Variants in DRG2 observed in about 807,000 individuals in gnomAD.
DRG2 encodes developmentally-regulated GTP-binding protein 2.
In DRG2, 36 loss-of-function variants were observed where a neutral mutation model predicts 53.4. The observed-to-expected ratio is 0.67, with a 90% CI of 0.52 to 0.89. DRG2 has a LOEUF of 0.89. Ranked by LOEUF, DRG2 falls within the 40% of genes least tolerant of loss-of-function variation. The probability of loss-of-function intolerance (pLI) is 0.00; values close to 1 mark genes in which losing one functional copy is unlikely to be tolerated. For synonymous variants in DRG2, 167 were observed against 192.1 expected (o/e 0.87, Z 1.08); for missense variants, 342 against 481.2 (o/e 0.71, Z 2.71).
At chr17:18,105,897 G>C (rs1039560605) in intron 11 of DRG2, 1 of 161,220 alleles carries the variant, frequency 6.2e-6, no homozygotes, top group Admixed American at 5.8e-5. Flanking sequence ...ATTGCTGGCT[G>C]CCTCCTCCAG....
At chr17:18,090,368 T>TTATATATATATA (rs1242491729) in intron 1 of DRG2, among the ~76,000 whole-genome samples, 6 of 25,496 alleles carry the variant, frequency 2.4e-4, no homozygotes, top group East Asian at 1.2e-3. Flanking sequence ...CCGGGCTAAT[T>TTATATATATATA]TATATATATA....
chr17:18,107,006 G>T, intron 12 of DRG2, 148 bp from the exon 13 acceptor site: 1 of 665,210 alleles, frequency 1.5e-6, no homozygotes, highest in Non-Finnish European at 2.6e-6. Flanking sequence ...GATCAGGGAT[G>T]GTCAGACAAC....
At chr17:18,106,322 G>T in intron 11 of DRG2, 111 bp from the exon 12 acceptor site, 1 of 1,232,116 alleles carries the variant, frequency 8.1e-7, no homozygotes. Flanking sequence ...GGCACCTGCC[G>T]CGGGAACTCC....
At chr17:18,090,486 G>A (rs1488144615) in intron 1 of DRG2, among the ~76,000 whole-genome samples, 5 of 130,156 alleles carry the variant, frequency 3.8e-5, no homozygotes, top group African/African-American at 5.9e-5. Context: ...GTGCAATCTC[G>A]GCTCACCGCA....
At position 18,093,672 on chromosome 17, in the gene DRG2, CAG is replaced by C. The variant is rs1411317278; in HGVS notation, c.65-135_65-134del. On this transcript the variant is annotated intron_variant, in intron 1 of 12. Coordinates refer to ENST00000225729, the MANE Select transcript of DRG2 (RefSeq NM_001388.5). Reference sequence around the variant, plus strand: ...TGAGAAGCCAAGGGGGCCTTTTAAGCAGAGAGATTTTTTTTTTTTCTCCTGAT... The same window carrying C: ...TGAGAAGCCAAGGGGGCCTTTTAAGCAGAGATTTTTTTTTTTTCTCCTGAT... 3 of 990,864 alleles carry C rather than the reference CAG, an allele frequency of 3.0e-6. No homozygotes were observed. The African/African-American group carries it at 5.0e-5, about 16-fold the overall frequency. 61.4% of individuals were successfully genotyped at this position (990,864 alleles called of 1,614,324 possible).
chr17:18,101,671 G>A, intron 8 of DRG2, 81 bp downstream of exon 8: 1 of 1,420,084 alleles, frequency 7.0e-7, no homozygotes, highest in Non-Finnish European at 9.8e-7. Context: ...AACCTTGTGA[G>A]AGAAGCAGAA....
At position 18,099,685 on chromosome 17, in the gene DRG2, C is replaced by T; in HGVS notation, c.429C>T (p.Ile143=). ...VIAVARTADV[I]IMMLDATKGE... ...CTGTGGCGCGCACGGCTGACGTCAT[C>T]ATCATGATGCTGGATGCCACCAAGG... The change falls in exon 5 of 13, where the codon ATC becomes ATT. Residue 143 remains isoleucine (I), a synonymous_variant. Coordinates refer to ENST00000225729, the MANE Select transcript of DRG2 (RefSeq NM_001388.5). This position sits in a 1 kb window ranked among gnomAD's most constrained non-coding sequence, Gnocchi z 4.4. 2 of 1,607,638 alleles carry T rather than the reference C, an allele frequency of 1.2e-6. No homozygotes were observed. The highest frequency in any genetic ancestry group is 1.7e-6 in the Non-Finnish European group (2 of 1,177,822).
At position 18,088,070 on chromosome 17, in the gene DRG2, G is replaced by A; in HGVS notation, c.47G>A (p.Arg16Gln). The A allele has an allele frequency of 6.5e-7, 1 of 1,548,400 alleles. No individual in the cohort carries two copies. The highest frequency in any genetic ancestry group is 8.7e-7 in the Non-Finnish European group (1 of 1,145,642). Residue 16 changes from arginine (R) to glutamine (Q), a missense_variant, in exon 1 of 13, where the codon CGG (arginine) becomes CAG (glutamine). Coordinates refer to ENST00000225729, the MANE Select transcript of DRG2 (RefSeq NM_001388.5). ...KISEIEKEIA[R>Q]TQKNKATEYH... Reference sequence around the variant, plus strand: ...TCGGAGATCGAGAAGGAGATCGCTCGGACACAGAAGAACAAGGGTGAGGGC... The same window carrying A: ...TCGGAGATCGAGAAGGAGATCGCTCAGACACAGAAGAACAAGGGTGAGGGC...
chr17:18,104,457 T>C, intron 10 of DRG2, 166 bp from the exon 11 acceptor site: 1 of 1,385,858 alleles, frequency 7.2e-7, no homozygotes, highest in Non-Finnish European at 9.5e-7. Flanking sequence ...TCGTAGAAGA[T>C]GGTACAGGGA....
chr17:18,090,435 A>T (rs1286695859), intron 1 of DRG2, among the ~76,000 whole-genome samples: 9 of 9,310 alleles, frequency 9.7e-4, no homozygotes, highest in Non-Finnish European at 1.7e-3. Context: ...TTTTTTTTTG[A>T]GATGGAGTTT....
intron 1 of DRG2, among the ~76,000 whole-genome samples, chr17:18,089,866 G>C (rs2045282629): frequency 6.6e-6 from 1 of 151,804 alleles, no homozygotes; most frequent in South Asian, 2.1e-4. Flanking sequence ...GGACAGGAGG[G>C]GGTTGATCAT....
rs2045599093 is a variant in DRG2, at chr17:18,104,783, G to T, written c.954+102G>T. ...CCTGGGCTGGGGGTGGGCTCTGCTG[G>T]TCTCACTCTCAGATGTCAACGCAGG... On this transcript the variant is annotated intron_variant, in intron 11 of 12. Transcript: ENST00000225729. The T allele has an allele frequency of 7.0e-6, 11 of 1,576,636 alleles. No individual in the cohort carries two copies. The Admixed American group carries it at 7.0e-5, about 10-fold the overall frequency.
Position 18,099,647 on chromosome 17 carries a change from C to T in DRG2, c.391C>T (p.Arg131Trp), listed in dbSNP as rs1235987685. The change falls in exon 5 of 13, where the codon CGG becomes TGG. Residue 131 changes from arginine to tryptophan, a missense_variant. Transcript: ENST00000225729. The surrounding 1 kb of genome is among the most constrained non-coding windows in gnomAD (Gnocchi z 4.4). ...CACCCATCCAGGAAAAGGCCGTGGC[C>T]GGCAGGTGATCGCTGTGGCGCGCAC... Reference protein sequence around the residue: ...EGAAQGKGRGRQVIAVARTAD... With the variant: ...EGAAQGKGRGWQVIAVARTAD... 3 of 1,605,674 alleles carry T rather than the reference C, an allele frequency of 1.9e-6. No homozygotes were observed. Among genetic ancestry groups the T allele is most frequent in the Non-Finnish European group, 2.5e-6 (3 of 1,176,954 alleles).
chr17:18,090,452 T>C (rs1218683500), intron 1 of DRG2, among the ~76,000 whole-genome samples: 1 of 126,988 alleles, frequency 7.9e-6, no homozygotes, highest in Non-Finnish European at 1.7e-5. Flanking sequence ...GTTTCACTCT[T>C]GTTGCCCAGG....
At chr17:18,094,218 G>A (rs1407824239) in intron 2 of DRG2, 6 of 481,178 alleles carry the variant, frequency 1.2e-5, no homozygotes, top group Non-Finnish European at 1.1e-5. Context: ...CTTCTCGAGT[G>A]TGTATCTCTA....
rs1198797905 is a variant in DRG2 at position 18,099,575 on chromosome 17, G to A, written c.377-58G>A. 1.9e-6 allele frequency: 3 copies of A among 1,546,598 alleles called. No individual in the cohort carries two copies. Among genetic ancestry groups the A allele is most frequent in the Non-Finnish European group, 2.6e-6 (3 of 1,140,730 alleles). On this transcript the variant is annotated intron_variant, in intron 4 of 12. Coordinates refer to ENST00000225729, the MANE Select transcript of DRG2 (RefSeq NM_001388.5). This position sits in a 1 kb window ranked among gnomAD's most constrained non-coding sequence, Gnocchi z 4.4. ...AAGGACAGGAGTCCAGGGCGCCGTGGGCTGGGTAGCAGTCACATGGGTCCA... is the reference window on the plus strand; with the variant it reads ...AAGGACAGGAGTCCAGGGCGCCGTGAGCTGGGTAGCAGTCACATGGGTCCA...
intron 11 of DRG2, among the ~76,000 whole-genome samples, chr17:18,105,264 G>T (rs1453064483): frequency 6.6e-6 from 1 of 152,148 alleles, no homozygotes; most frequent in Non-Finnish European, 1.5e-5. Context: ...AGGCACAGAT[G>T]GTGGCCAACC....
At position 18,093,939 on chromosome 17, in the gene DRG2, G is replaced by A. The variant is rs1392673486; in HGVS notation, c.191G>A (p.Arg64His). The A allele has an allele frequency of 6.2e-6, 10 of 1,614,080 alleles. No homozygotes were observed. Among genetic ancestry groups the A allele is most frequent in the East Asian group, 4.5e-5 (2 of 44,890 alleles). The change falls in exon 2 of 13, where the codon CGT (arginine) becomes CAT (histidine). Residue 64 changes from arginine to histidine, a missense_variant. By Grantham distance (29) the Arg-to-His change is conservative. Transcript: ENST00000225729. The part of the protein sequence containing the change: ...GFDVMKSGDA[R>H]VALIGFPSVG... The stretch of plus-strand genomic sequence containing the variant: ...GATGTCATGAAGTCGGGTGATGCCC[G>A]TGTGGCGCTGATTGGATTTCCCTCT...
In DRG2 at chr17:18,103,182, C is replaced by G. The variant is rs2045569886; in HGVS notation, c.807-619C>G. On this transcript the variant is annotated intron_variant, in intron 9 of 12. Coordinates refer to ENST00000225729, the MANE Select transcript of DRG2 (RefSeq NM_001388.5). The surrounding 1 kb of genome is among the most constrained non-coding windows in gnomAD (Gnocchi z 4.4). ...GGCGTGAGAGCTTCTACACCTTTAC[C>G]TGCTTGTGCTCAGAATAGCTCTACA... is the stretch of plus-strand genomic sequence containing the variant. Among the ~76,000 whole-genome samples, 1 of 152,186 alleles carries G rather than the reference C, an allele frequency of 6.6e-6. No individual in the cohort carries two copies. The highest frequency in any genetic ancestry group is 1.5e-5 in the Non-Finnish European group (1 of 68,022).
Sources: allele counts gnomAD v4.1 joint callset (sites outside exome capture counted in the v4.1 genomes callset), GRCh38; gene constraint gnomAD v4.1.1; non-coding constraint Gnocchi (gnomAD v3.1); transcripts MANE v1.5; gene names NCBI Gene and HGNC (gene_info 2026-07-23, HGNC 2026-07-21).